The following PDE1C variants were observed in gnomAD, a reference collection of about 807,000 sequenced individuals.
PDE1C encodes phosphodiesterase 1C, also known as dual specificity calcium/calmodulin-dependent 3',5'-cyclic nucleotide phosphodiesterase 1C.
Under a neutral mutation model 93.1 loss-of-function variants are expected in PDE1C, and 62 were observed. The observed-to-expected ratio is 0.67, with a 90% CI of 0.54 to 0.82. The LOEUF is 0.82. Ranked by LOEUF, PDE1C falls within the 40% of genes least tolerant of loss-of-function variation. The pLI is 0.00. For synonymous variants in PDE1C, 325 were observed against 310.1 expected (o/e 1.05, Z -0.50); for missense variants, 742 against 884.6 (o/e 0.84, Z 2.04).
chr7:32,111,284 G>A (rs754843999), intron 3 of PDE1C, among the ~76,000 whole-genome samples: 2 of 152,192 alleles, frequency 1.3e-5, no homozygotes, highest in African/African-American at 2.4e-5. Flanking sequence ...CAGATGTGAA[G>A]TGATGATAAG....
intron 1 of PDE1C, among the ~76,000 whole-genome samples, chr7:32,307,892 G>C (rs1195819364): frequency 6.6e-6 from 1 of 152,212 alleles, no homozygotes; most frequent in Admixed American, 6.5e-5. Flanking sequence ...CAGGACAGTG[G>C]GTGCAGCGCA....
chr7:32,007,889 T>G (rs960662553), intron 2 of PDE1C, among the ~76,000 whole-genome samples: 1 of 152,214 alleles, frequency 6.6e-6, no homozygotes, highest in African/African-American at 2.4e-5. Context: ...CTATTATTTT[T>G]TGAGACATTC....
chr7:32,029,324 C>T (rs1789948681), intron 2 of PDE1C, among the ~76,000 whole-genome samples: 1 of 152,100 alleles, frequency 6.6e-6, no homozygotes, highest in South Asian at 2.1e-4. Context: ...ACCATATGAT[C>T]CAGCAATCCT....
chr7:32,298,667 G>A lies in PDE1C; in HGVS notation c.69C>T (p.Gly23=), dbSNP rs767409769. ...AGTTCTCACCTATGGTGAAGCTGTA[G>A]CCATCGATGCTGAAAGTGGCGCTCC... The change falls in exon 1 of 19, where the codon GGC becomes GGT. Residue 23 remains glycine, a synonymous_variant. Transcript: ENST00000396193. 5.6e-6 allele frequency: 9 copies of A among 1,607,218 alleles called. No individual in the cohort carries two copies. The East Asian group carries it at 6.7e-5, about 12-fold the overall frequency.
chr7:31,767,008 AAAC>A (rs1203965266), intron 17 of PDE1C, among the ~76,000 whole-genome samples: 1 of 152,222 alleles, frequency 6.6e-6, no homozygotes, highest in East Asian at 1.9e-4. Flanking sequence ...CATCTCTTAA[AAAC>A]AAGATAGACC....
chr7:31,638,560 A>C, the PDE1C span, among the ~76,000 whole-genome samples: 2 of 152,182 alleles, frequency 1.3e-5, no homozygotes, highest in African/African-American at 4.8e-5. Context: ...GATGTAGATA[A>C]TAAATAAATA....
At chr7:32,070,747 G>T, upstream of PDE1C, 1 of 1,077,818 alleles carries the variant, frequency 9.3e-7, no homozygotes. Context: ...CCCAAACAAA[G>T]CCACAGAAGC....
In PDE1C at chr7:32,090,279, G is replaced by A. The variant is rs142640706; in HGVS notation, c.308+79506C>T. Among the ~76,000 whole-genome samples the A allele has an allele frequency of 1.8e-4, 27 of 152,260 alleles. 1 individual carries two copies. The East Asian group carries it at 5.2e-3, about 29-fold the overall frequency. On this transcript the variant is annotated intron_variant, in intron 3 of 18. Coordinates refer to the PDE1C transcript ENST00000396193. ...ATAGAATTATGCTGAGTGCCTAAAG[G>A]GCTCTGCCCTCTGTGATCTGTACTC...
intron 2 of PDE1C, among the ~76,000 whole-genome samples, chr7:32,025,063 G>A (rs1789235009): frequency 6.6e-6 from 1 of 152,062 alleles, no homozygotes; most frequent in Non-Finnish European, 1.5e-5. Context: ...TGACAGAAGA[G>A]GCAAATTTCC....
the PDE1C span, among the ~76,000 whole-genome samples, chr7:31,625,047 G>C: frequency 6.6e-6 from 1 of 152,314 alleles, no homozygotes; most frequent in East Asian, 1.9e-4. Context: ...GGCCATCAGA[G>C]AAATGCAAAT....
intron 11 of PDE1C, among the ~76,000 whole-genome samples, chr7:31,831,580 A>G (rs1170574234): frequency 6.6e-6 from 1 of 152,142 alleles, no homozygotes; most frequent in Non-Finnish European, 1.5e-5. Context: ...TAGATAGCTT[A>G]GAATACTACT....
At chr7:32,149,288 A>G (rs968952059) in intron 3 of PDE1C, among the ~76,000 whole-genome samples, 1 of 152,214 alleles carries the variant, frequency 6.6e-6, no homozygotes, top group Admixed American at 6.5e-5. Context: ...AACCAAAACG[A>G]TTACAGTTAA....
At chr7:32,080,850 T>C (rs756468612) in intron 3 of PDE1C, among the ~76,000 whole-genome samples, 17 of 152,156 alleles carry the variant, frequency 1.1e-4, no homozygotes, top group South Asian at 4.1e-4. Flanking sequence ...TTCTTGCTAA[T>C]AAAAAAGACC....
chr7:31,879,314 C>T (rs1583748599), intron 3 of PDE1C, 136 bp from the exon 4 acceptor site: 2 of 809,212 alleles, frequency 2.5e-6, no homozygotes, highest in Non-Finnish European at 3.8e-6. Flanking sequence ...ACAAAAAATA[C>T]AGTGCCTTTT....
At chr7:31,655,751 C>A in the PDE1C span, 117 of 985,580 alleles carry the variant, frequency 1.2e-4, no homozygotes, top group Non-Finnish European at 1.4e-4. Context: ...GTTTCCCTTG[C>A]TAAACTCCTA....
chr7:31,970,137 TATA>T (rs1191812472), intron 2 of PDE1C, among the ~76,000 whole-genome samples: 1 of 151,982 alleles, frequency 6.6e-6, no homozygotes, highest in Non-Finnish European at 1.5e-5. Context: ...AAACTCAAAG[TATA>T]ATAATAATAA....
chr7:32,166,556 G>T (rs776915361), intron 3 of PDE1C, among the ~76,000 whole-genome samples: 2 of 152,140 alleles, frequency 1.3e-5, no homozygotes, highest in Non-Finnish European at 2.9e-5. Context: ...GACTGTCAGG[G>T]ACCATATCCA....
intron 1 of PDE1C, among the ~76,000 whole-genome samples, chr7:32,232,981 C>T (rs967129543): frequency 3.9e-5 from 6 of 152,054 alleles, no homozygotes; most frequent in African/African-American, 1.5e-4. Context: ...TTTTAATGTT[C>T]AGAATAAAAT....
chr7:31,696,991 A>G, the PDE1C span: 1 of 1,614,136 alleles, frequency 6.2e-7, no homozygotes, highest in Non-Finnish European at 8.5e-7. Context: ...TTTAATTAAA[A>G]GATACGATGT....
Sources: gnomAD v4.1 joint callset for allele counts (sites outside exome capture counted in the v4.1 genomes callset) on GRCh38, gnomAD v4.1.1 for gene constraint, MANE v1.5 for transcripts, NCBI Gene and HGNC (gene_info 2026-07-23, HGNC 2026-07-21) for gene names.